Variants in RSBN1L observed in about 807,000 individuals in gnomAD.
RSBN1L encodes the protein lysine-specific demethylase RSBN1L.
A neutral mutation model predicts 67.7 loss-of-function variants in RSBN1L; 30 were observed. The observed-to-expected ratio is 0.44, with a 90% CI of 0.33 to 0.60. RSBN1L has a LOEUF of 0.60. Ranked by LOEUF, RSBN1L falls within the 20% of genes least tolerant of loss-of-function variation. RSBN1L has a pLI of 0.02. For missense variants in RSBN1L, 992 were observed against 1,031.7 expected, an observed-to-expected ratio of 0.96 and a Z score of 0.53; for synonymous variants, 433 against 387.0, an observed-to-expected ratio of 1.12 and a Z score of -1.39.
Position 77,779,211 on chromosome 7 carries a change from T to C in RSBN1L, c.*43T>C, listed in dbSNP as rs567388106. 457 of 1,363,148 alleles carry C rather than the reference T, an allele frequency of 3.4e-4. 5 individuals are homozygous for C. The South Asian group carries it at 3.4e-3, about 10-fold the overall frequency. The allele number at this position is 1,363,148 out of a possible 1,614,324, so 84.4% of individuals were successfully genotyped here. On this transcript the variant is annotated 3_prime_UTR_variant, in exon 8 of 8. Coordinates refer to ENST00000334955, the MANE Select transcript of RSBN1L (RefSeq NM_198467.3). ...AAAATCCTTTTTTAAAAAAATTTAA[T>C]GTAATAAAGATTCATGAATTCTGAA...
chr7:77,736,300 A>G (rs996142316), intron 1 of RSBN1L, 110 bp from the exon 2 acceptor site: 11 of 405,582 alleles, frequency 2.7e-5, no homozygotes, highest in South Asian at 7.2e-5. Context: ...TTTGTTCCTC[A>G]TTCTGATTTT....
At chr7:77,701,143 C>T (rs1322684156) in intron 1 of RSBN1L, among the ~76,000 whole-genome samples, 2 of 122,224 alleles carry the variant, frequency 1.6e-5, no homozygotes, top group South Asian at 5.5e-4. Flanking sequence ...CAGAGCAAGA[C>T]TCTGGCTCAA....
At chr7:77,703,949 C>G (rs927857976) in intron 1 of RSBN1L, among the ~76,000 whole-genome samples, 1 of 152,056 alleles carries the variant, frequency 6.6e-6, no homozygotes, top group Non-Finnish European at 1.5e-5. Flanking sequence ...AACCACGCCC[C>G]GATACACTTA....
At chr7:77,717,347 G>A (rs1340513871) in intron 1 of RSBN1L, among the ~76,000 whole-genome samples, 1 of 152,002 alleles carries the variant, frequency 6.6e-6, no homozygotes, top group East Asian at 1.9e-4. Context: ...GTTTTTCCTA[G>A]TATATTTTTG....
At chr7:77,703,532 C>G (rs894682297) in intron 1 of RSBN1L, among the ~76,000 whole-genome samples, 3 of 124,634 alleles carry the variant, frequency 2.4e-5, no homozygotes, top group Non-Finnish European at 3.2e-5. Context: ...CTATTTCACC[C>G]AGGCTGGAGT....
chr7:77,703,181 C>G (rs773221821), intron 1 of RSBN1L, among the ~76,000 whole-genome samples: 1 of 152,182 alleles, frequency 6.6e-6, no homozygotes, highest in African/African-American at 2.4e-5. Flanking sequence ...GGATACCCCT[C>G]ATCTTGGAGC....
chr7:77,725,244 C>CTTTTTTTTTTTTTTTTTTTTTTTTTTT lies in RSBN1L; in HGVS notation c.587-11145_587-11144insTTTTTTTTTTTTTTTTTTTTTTTTTTT, dbSNP rs779531960. Among the ~76,000 whole-genome samples, 47 of 73,632 alleles carry CTTTTTTTTTTTTTTTTTTTTTTTTTTT rather than the reference C, an allele frequency of 6.4e-4. 9 individuals carry two copies. The highest frequency in any genetic ancestry group is 8.1e-4 in the Non-Finnish European group (33 of 40,986). 48.3% of individuals were successfully genotyped at this position (73,632 alleles called of 152,430 possible). A position where few individuals can be genotyped will look rare whatever the true frequency, so the allele number is the denominator to read the frequency against. On this transcript the variant is annotated intron_variant, in intron 1 of 7. Transcript: ENST00000334955. The stretch of plus-strand genomic sequence containing the variant: ...TTCTTCCCTAGGGATAAGCCCCCCA[C>CTTTTTTTTTTTTTTTTTTTTTTTTTTT]TTTTTTTTTTTTTTTTTTTTTGAGA...
intron 1 of RSBN1L, among the ~76,000 whole-genome samples, chr7:77,717,997 C>A (rs1042248498): frequency 1.3e-5 from 2 of 151,912 alleles, no homozygotes; most frequent in African/African-American, 4.8e-5. Context: ...CCAGTCGGGG[C>A]GACAGAGCGA....
At chr7:77,758,201 C>T (rs541181508) in intron 3 of RSBN1L, among the ~76,000 whole-genome samples, 19 of 152,150 alleles carry the variant, frequency 1.2e-4, no homozygotes, top group African/African-American at 4.3e-4. Context: ...GGTCATTGTC[C>T]AGGATGGAGT....
chr7:77,769,768 A>G (rs60197554), intron 5 of RSBN1L, among the ~76,000 whole-genome samples: 1 of 152,336 alleles, frequency 6.6e-6, no homozygotes, highest in East Asian at 1.9e-4. Context: ...GAACTATGAG[A>G]TATTTTTATT....
Position 77,771,506 on chromosome 7 carries a change from C to T in RSBN1L, c.1626-1641C>T, listed in dbSNP as rs545730726. 4.8e-3 allele frequency among the ~76,000 whole-genome samples: 642 copies of T among 132,680 alleles called. 8 individuals carry two copies. The highest frequency in any genetic ancestry group is 0.019 in the African/African-American group (616 of 31,722). 87.0% of individuals were successfully genotyped at this position (132,680 alleles called of 152,430 possible). ...ATGGTAAAATTGATGTGTTCCTCAG[C>T]GACTCTTTTTTTTTTTTTTTTGAGA... On this transcript the variant is annotated intron_variant, in intron 5 of 7. Transcript: ENST00000334955.
intron 1 of RSBN1L, among the ~76,000 whole-genome samples, chr7:77,717,756 A>G (rs1197731212): frequency 6.6e-6 from 1 of 152,190 alleles, no homozygotes; most frequent in African/African-American, 2.4e-5. Context: ...GGCTGCTCAC[A>G]CCTGTAATCT....
intron 1 of RSBN1L, among the ~76,000 whole-genome samples, chr7:77,698,050 AAG>A (rs1284956942): frequency 6.6e-6 from 1 of 152,228 alleles, no homozygotes; most frequent in Non-Finnish European, 1.5e-5. Flanking sequence ...TTTTTAGAAA[AAG>A]AAATGTCAAG....
chr7:77,755,748 A>C (rs1031911353), intron 3 of RSBN1L, among the ~76,000 whole-genome samples: 2 of 152,206 alleles, frequency 1.3e-5, no homozygotes, highest in African/African-American at 4.8e-5. Flanking sequence ...AACCATCTTA[A>C]GTCCTGATGC....
chr7:77,743,292 T>TTGA (rs1445370850), intron 2 of RSBN1L, among the ~76,000 whole-genome samples: 2 of 152,068 alleles, frequency 1.3e-5, no homozygotes, highest in African/African-American at 4.8e-5. Flanking sequence ...ATTTAACTCC[T>TTGA]TGATGCTCAG....
In RSBN1L at chr7:77,750,072, G is replaced by A. The variant is rs552329892; in HGVS notation, c.1344+8G>A. 4 of 1,496,282 alleles carry A rather than the reference G, an allele frequency of 2.7e-6. No homozygotes were observed. The highest frequency in any genetic ancestry group is 1.4e-5 in the African/African-American group (1 of 70,754). 92.7% of individuals were successfully genotyped at this position (1,496,282 alleles called of 1,614,324 possible). ...TCCAATTTTCATGCTCAGGTAAGAG[G>A]TTTTTAGTTTTATAAAATAACTTTT... On this transcript the variant is annotated splice_region_variant and intron_variant, in intron 3 of 7. Transcript: ENST00000334955.
rs368115039 is a variant in RSBN1L at position 77,696,490 on chromosome 7, C to T, written c.21C>T (p.Pro7=). ...GCAAAATGGCGGAACCGCCGAGCCC[C>T]GTGCACTGTGTCGCTGCCGCGGCCC... MAEPPS[P]VHCVAAAAPT... is the part of the protein sequence containing the mutation. Residue 7 remains proline, a synonymous_variant, in exon 1 of 8, where the codon CCC becomes CCT. Coordinates refer to ENST00000334955, the MANE Select transcript of RSBN1L (RefSeq NM_198467.3). 9 of 1,612,922 alleles carry T rather than the reference C, an allele frequency of 5.6e-6. No individual in the cohort carries two copies. The highest frequency in any genetic ancestry group is 5.0e-5 in the Admixed American group (3 of 59,994).
Position 77,730,743 on chromosome 7 carries a change from C to G in RSBN1L, c.587-5667C>G, listed in dbSNP as rs528774582. ...CTTGATAGCTCACTTCTTTTTAGTG[C>G]TGAAGAATATTCCATTGTCTGAATG... is the stretch of plus-strand genomic sequence containing the variant. On this transcript the variant is annotated intron_variant, in intron 1 of 7. Transcript: ENST00000334955. Among the ~76,000 whole-genome samples, 3 of 152,308 alleles carry G rather than the reference C, an allele frequency of 2.0e-5. No homozygotes were observed. The South Asian group carries it at 6.2e-4, about 32-fold the overall frequency.
intron 2 of RSBN1L, among the ~76,000 whole-genome samples, chr7:77,743,673 T>C (rs1244993236): frequency 6.7e-6 from 1 of 149,556 alleles, no homozygotes; most frequent in Non-Finnish European, 1.5e-5. Flanking sequence ...ATATTAAATA[T>C]ACTTTCACTC....
Sources: allele counts gnomAD v4.1 joint callset (sites outside exome capture counted in the v4.1 genomes callset), GRCh38; gene constraint gnomAD v4.1.1; transcripts MANE v1.5; gene names NCBI Gene and HGNC (gene_info 2026-07-23, HGNC 2026-07-21).